Variants in TMEM50B observed in about 807,000 individuals in gnomAD.
The protein encoded by TMEM50B is transmembrane protein 50B, also known as HCV p7-trans-regulated protein 3.
Under a neutral mutation model 23.4 loss-of-function variants are expected in TMEM50B, and 14 were observed. The ratio of observed to expected loss-of-function variants is 0.60; its 90% CI spans 0.39 to 0.93. The LOEUF is 0.93. Among genes scored for constraint, TMEM50B ranks in the 40% least tolerant of loss-of-function variants. The pLI is 0.00. For synonymous variants in TMEM50B, 64 were observed against 62.3 expected (o/e 1.03, Z -0.13); for missense variants, 159 against 193.0 (o/e 0.82, Z 1.04).
intron 1 of TMEM50B, among the ~76,000 whole-genome samples, chr21:33,470,541 C>G (rs1568986297): frequency 6.6e-6 from 1 of 151,014 alleles, no homozygotes; most frequent in Non-Finnish European, 1.5e-5. Flanking sequence ...ACCATCCTGG[C>G]TAACATGGTG....
intron 7 of TMEM50B, among the ~76,000 whole-genome samples, chr21:33,441,406 T>C (rs750289962): frequency 6.6e-5 from 10 of 151,948 alleles, no homozygotes; most frequent in Non-Finnish European, 1.0e-4. Context: ...TGTACATATT[T>C]AGGAAGGTGA....
chr21:33,459,377 C>T (rs1156770187), intron 5 of TMEM50B, among the ~76,000 whole-genome samples: 1 of 152,072 alleles, frequency 6.6e-6, no homozygotes, highest in African/African-American at 2.4e-5. Flanking sequence ...TTAAAAATTA[C>T]AGGATTGGCT....
chr21:33,474,803 T>TAA (rs2123461950), intron 1 of TMEM50B, among the ~76,000 whole-genome samples: 1 of 12,816 alleles, frequency 7.8e-5, no homozygotes, highest in East Asian at 3.9e-3. Context: ...AAAATAAAAA[T>TAA]AAATAAATAA....
chr21:33,450,807 A>G lies in TMEM50B; in HGVS notation c.*11T>C. 6.2e-7 allele frequency: 1 copy of G among 1,610,782 alleles called. No individual in the cohort carries two copies. Among genetic ancestry groups the G allele is most frequent in the Non-Finnish European group, 8.5e-7 (1 of 1,178,132 alleles). On this transcript the variant is annotated 3_prime_UTR_variant, in exon 7 of 7. Coordinates refer to ENST00000542230, the MANE Select transcript of TMEM50B (RefSeq NM_006134.7). The stretch of plus-strand genomic sequence containing the variant: ...ATATAACAAAAGGAAAATGTGACTT[A>G]AGAAGTGATCTCAGGTCCATAGCTC...
intron 5 of TMEM50B, among the ~76,000 whole-genome samples, chr21:33,459,238 C>T (rs1018338044): frequency 6.6e-6 from 1 of 152,216 alleles, no homozygotes; most frequent in African/African-American, 2.4e-5. Context: ...AAAGCTATGG[C>T]ACCTGGCAGA....
At chr21:33,461,145 C>G (rs936310365) in intron 4 of TMEM50B, among the ~76,000 whole-genome samples, 1 of 152,182 alleles carries the variant, frequency 6.6e-6, no homozygotes, top group African/African-American at 2.4e-5. Context: ...TGCACCAGAT[C>G]CTGTTCACAG....
intron 8 of TMEM50B, among the ~76,000 whole-genome samples, chr21:33,436,101 C>T (rs2409494): frequency 0.58 from 87,950 of 150,896 alleles, 27,585 homozygotes; most frequent in East Asian, 0.82. Context: ...CTCACACCTG[C>T]AATCCCAGCA....
intron 8 of TMEM50B, among the ~76,000 whole-genome samples, chr21:33,434,992 C>G (rs574346680): frequency 2.0e-5 from 3 of 152,172 alleles, no homozygotes; most frequent in African/African-American, 7.2e-5. Flanking sequence ...TACATGGGAA[C>G]AGTGAATCAT....
At chr21:33,451,238 C>G (rs1449362376) in intron 6 of TMEM50B, among the ~76,000 whole-genome samples, 1 of 152,154 alleles carries the variant, frequency 6.6e-6, no homozygotes, top group Non-Finnish European at 1.5e-5. Context: ...CCTACCATAT[C>G]TAAATTACAG....
In TMEM50B at chr21:33,460,505, C is replaced by T. The variant is rs1250925554; in HGVS notation, c.281G>A (p.Gly94Asp). 1 of 1,601,504 alleles carries T rather than the reference C, an allele frequency of 6.2e-7. No homozygotes were observed. The highest frequency in any genetic ancestry group is 1.1e-5 in the South Asian group (1 of 89,368). Reference protein sequence around the residue: ...SYESGCLGRTGARVWLFIGFM... With the variant: ...SYESGCLGRTDARVWLFIGFM... ...ACCAATGAAAAGCCAAACTCGAGCA[C>T]CTGTGTAGAGAAGAGGCTTTATGAT... Residue 94 changes from glycine to aspartate, a missense_variant and splice_region_variant, in exon 5 of 7, where the codon GGT (glycine) becomes GAT (aspartate). By Grantham distance (94) the Gly-to-Asp change is moderately conservative. Transcript: ENST00000542230.
chr21:33,446,224 ATTTT>A (rs1225587398), downstream of TMEM50B, among the ~76,000 whole-genome samples: 1 of 141,500 alleles, frequency 7.1e-6, no homozygotes, highest in Non-Finnish European at 1.5e-5. Context: ...TTTTTCTTTT[ATTTT>A]TTTTATTTTT....
chr21:33,437,033 T>C lies in TMEM50B; in HGVS notation c.*2120+2181A>G, dbSNP rs1054996913. ...CCATCGGAGCTGCTAGAGTTCTGTC[T>C]GGACTTTCCAGAGACCAGTATTCCC... On this transcript the variant is annotated intron_variant and NMD_transcript_variant, in intron 8 of 8. Coordinates refer to the TMEM50B transcript ENST00000420455. The C allele has an allele frequency of 4.5e-6, 7 of 1,548,562 alleles. No homozygotes were observed. The African/African-American group carries it at 5.4e-5, about 12-fold the overall frequency.
chr21:33,446,226 TTTTTTTA>T (rs1329866867), downstream of TMEM50B, among the ~76,000 whole-genome samples: 5 of 141,736 alleles, frequency 3.5e-5, no homozygotes, highest in Non-Finnish European at 7.7e-5. Flanking sequence ...TTTCTTTTAT[TTTTTTTA>T]TTTTTTATTT....
At chr21:33,464,717 T>C (rs1009415759) in intron 4 of TMEM50B, among the ~76,000 whole-genome samples, 1 of 148,192 alleles carries the variant, frequency 6.7e-6, no homozygotes, top group African/African-American at 2.4e-5. Flanking sequence ...GGCAGGAGAA[T>C]TGCTTGAACC....
At chr21:33,460,667 T>TAAA (rs61466059) in intron 4 of TMEM50B, among the ~76,000 whole-genome samples, 162 bp from the exon 5 acceptor site, 1 of 148,620 alleles carries the variant, frequency 6.7e-6, no homozygotes. Flanking sequence ...AATGATGATT[T>TAAA]AAAAAAAAAA....
intron 5 of TMEM50B, among the ~76,000 whole-genome samples, chr21:33,459,723 C>T (rs1057473129): frequency 2.7e-5 from 4 of 148,954 alleles, no homozygotes; most frequent in Admixed American, 1.3e-4. Flanking sequence ...GTCAATGAAA[C>T]GAAAGATTAT....
chr21:33,459,268 T>G (rs1228480677), intron 5 of TMEM50B, among the ~76,000 whole-genome samples: 2 of 152,182 alleles, frequency 1.3e-5, no homozygotes, highest in African/African-American at 2.4e-5. Context: ...TTCAGCATGG[T>G]GTAATAAGAG....
At chr21:33,452,263 A>G (rs1354669025) in intron 6 of TMEM50B, among the ~76,000 whole-genome samples, 2 of 152,268 alleles carry the variant, frequency 1.3e-5, no homozygotes, top group Admixed American at 6.5e-5. Context: ...TGTCAAGGCC[A>G]CAAGGCGAAA....
At chr21:33,475,912 C>T (rs1350848299) in intron 1 of TMEM50B, among the ~76,000 whole-genome samples, 1 of 151,938 alleles carries the variant, frequency 6.6e-6, no homozygotes, top group Non-Finnish European at 1.5e-5. Flanking sequence ...CAAGATCTCA[C>T]CACTGCACTC....
Sources: gnomAD v4.1 joint callset for allele counts (sites outside exome capture counted in the v4.1 genomes callset) on GRCh38, gnomAD v4.1.1 for gene constraint, MANE v1.5 for transcripts, NCBI Gene and HGNC (gene_info 2026-07-23, HGNC 2026-07-21) for gene names.